Variants in CCDC88A observed in about 807,000 individuals in gnomAD.
The protein encoded by CCDC88A is girdin.
Under a neutral mutation model 234.3 loss-of-function variants are expected in CCDC88A, and 54 were observed. The observed-to-expected ratio is 0.23, with a 90% CI of 0.19 to 0.29. The LOEUF is 0.29. Ranked by LOEUF, CCDC88A falls within the 10% of genes least tolerant of loss-of-function variation. The pLI, the probability that CCDC88A is intolerant of heterozygous loss-of-function variation, is 1.00. For synonymous variants in CCDC88A, 753 were observed against 737.8 expected, an observed-to-expected ratio of 1.02 and a Z score of -0.33; for missense variants, 1,832 against 2,123.4, an observed-to-expected ratio of 0.86 and a Z score of 2.70.
At position 55,288,646 on chromosome 2, in the gene CCDC88A, T is replaced by C. The variant is rs1679226270; in HGVS notation, c.*2554A>G. 6.6e-6 allele frequency: 1 copy of C among 152,556 alleles called. No homozygotes were observed. Among genetic ancestry groups the C allele is most frequent in the African/African-American group, 2.4e-5 (1 of 41,436 alleles). 9.5% of individuals were successfully genotyped at this position (152,556 alleles called of 1,614,324 possible). A position where few individuals can be genotyped will look rare whatever the true frequency, so the allele number is the denominator to read the frequency against. On this transcript the variant is annotated 3_prime_UTR_variant, in exon 33 of 33. Transcript: ENST00000436346. ...CTTTGGTAACCACCAATTTAAAAATTTGGATGAAAGCATTTCCACATGGAC... is the reference window on the plus strand; with the variant it reads ...CTTTGGTAACCACCAATTTAAAAATCTGGATGAAAGCATTTCCACATGGAC...
chr2:55,365,070 T>C (rs1480732934), intron 5 of CCDC88A, among the ~76,000 whole-genome samples: 2 of 152,194 alleles, frequency 1.3e-5, no homozygotes, highest in Non-Finnish European at 2.9e-5. Context: ...TCTACTACTA[T>C]ACAATTTAAA....
chr2:55,387,176 C>CAAAAAAAAAA (rs869311337), intron 3 of CCDC88A, among the ~76,000 whole-genome samples: 7 of 69,772 alleles, frequency 1.0e-4, no homozygotes, highest in African/African-American at 2.8e-4. Flanking sequence ...GATTCCATCT[C>CAAAAAAAAAA]AAAAAAAAAA....
intron 3 of CCDC88A, among the ~76,000 whole-genome samples, chr2:55,383,538 G>A (rs1215817717): frequency 3.3e-5 from 5 of 151,390 alleles, no homozygotes; most frequent in Admixed American, 1.3e-4. Flanking sequence ...CAGGAGAATC[G>A]CTTGAACCCG....
At chr2:55,327,193 C>G (rs1684373116) in intron 17 of CCDC88A, among the ~76,000 whole-genome samples, 1 of 151,954 alleles carries the variant, frequency 6.6e-6, no homozygotes, top group South Asian at 2.1e-4. Context: ...CAAATAGCAG[C>G]AATAATGGTG....
At chr2:55,291,973 A>G (rs1679489959) in intron 31 of CCDC88A, 198 bp from the exon 32 acceptor site, 1 of 431,214 alleles carries the variant, frequency 2.3e-6, no homozygotes, top group South Asian at 4.5e-5. Flanking sequence ...ATTCCTAGGA[A>G]AGCTATAATT....
chr2:55,381,409 C>A (rs928383273), intron 3 of CCDC88A, among the ~76,000 whole-genome samples: 1 of 151,750 alleles, frequency 6.6e-6, no homozygotes, highest in Non-Finnish European at 1.5e-5. Flanking sequence ...CAAAATTAGC[C>A]GGGTGTAGTG....
intron 2 of CCDC88A, among the ~76,000 whole-genome samples, chr2:55,412,761 G>T (rs1041774355): frequency 6.6e-6 from 1 of 152,038 alleles, no homozygotes; most frequent in African/African-American, 2.4e-5. Flanking sequence ...AACATTTATT[G>T]GACACTTTCT....
Position 55,355,583 on chromosome 2 carries a change from C to T in CCDC88A, c.796G>A (p.Glu266Lys), listed in dbSNP as rs1163969624. ...AKAKIRRLRQ[E>K]LEEKTEQLLD... is the part of the protein sequence containing the mutation. ...CCTCAAAAATCAGCAACTTACAATT[C>T]CTGCCTAAGCCTTCTTATCTTGGCT... The change falls in exon 8 of 33, where the codon GAA (glutamate) becomes AAA (lysine). Residue 266 changes from glutamate (E) to lysine (K), a missense_variant. This residue lies in a region of CCDC88A where 1,282 missense variants were observed against 1,543.6 expected (regional missense o/e 0.83). Coordinates refer to ENST00000436346, the MANE Select transcript of CCDC88A (RefSeq NM_001365480.1). The T allele has an allele frequency of 6.2e-7, 1 of 1,613,882 alleles. No individual in the cohort carries two copies. Among genetic ancestry groups the T allele is most frequent in the African/African-American group, 1.3e-5 (1 of 75,036 alleles).
intron 31 of CCDC88A, chr2:55,292,409 C>T (rs1353744703): frequency 6.6e-6 from 1 of 152,132 alleles, no homozygotes; most frequent in African/African-American, 2.4e-5. Context: ...AGAGTTGTTT[C>T]ACTTTTACTT....
chr2:55,329,476 G>A (rs1684667545), intron 16 of CCDC88A: 1 of 152,108 alleles, frequency 6.6e-6, no homozygotes, highest in African/African-American at 2.4e-5. Flanking sequence ...GTATCGGCTG[G>A]AGTCAACAAA....
At chr2:55,349,360 T>C (rs568521247) in intron 9 of CCDC88A, 158 bp downstream of exon 9, 2 of 595,734 alleles carry the variant, frequency 3.4e-6, no homozygotes, top group South Asian at 4.7e-5. Flanking sequence ...CTGACATTTT[T>C]GAAGAGAGAG....
chr2:55,327,165 C>T (rs1206435532), intron 17 of CCDC88A, among the ~76,000 whole-genome samples: 1 of 151,900 alleles, frequency 6.6e-6, no homozygotes, highest in Non-Finnish European at 1.5e-5. Context: ...AATGTATGTT[C>T]GATGGCAATG....
At chr2:55,303,261 A>T (rs2104576382) in intron 25 of CCDC88A, 109 bp from the exon 26 acceptor site, 1 of 724,614 alleles carries the variant, frequency 1.4e-6, no homozygotes, top group Non-Finnish European at 2.5e-6. Flanking sequence ...TGAATGTTTG[A>T]GTTTTAGCTA....
At chr2:55,383,347 G>A (rs906475838) in intron 3 of CCDC88A, among the ~76,000 whole-genome samples, 5 of 151,926 alleles carry the variant, frequency 3.3e-5, no homozygotes, top group African/African-American at 7.3e-5. Context: ...GGCCCGGCAC[G>A]GTGGCTCATG....
intron 29 of CCDC88A, among the ~76,000 whole-genome samples, chr2:55,298,379 A>G (rs1365237889): frequency 6.6e-6 from 1 of 152,166 alleles, no homozygotes; most frequent in East Asian, 1.9e-4. Context: ...AGGCTAGTCA[A>G]ATGAAGTAGT....
intron 2 of CCDC88A, among the ~76,000 whole-genome samples, chr2:55,409,990 C>T (rs1437437715): frequency 6.6e-6 from 1 of 152,102 alleles, no homozygotes; most frequent in Non-Finnish European, 1.5e-5. Flanking sequence ...ATCCACCCGC[C>T]TCAGCCTCCC....
At position 55,419,317 on chromosome 2, in the gene CCDC88A, T is replaced by A. The variant is rs1230809900; in HGVS notation, c.-238A>T. On this transcript the variant is annotated 5_prime_UTR_variant, in exon 1 of 33. Coordinates refer to ENST00000436346, the MANE Select transcript of CCDC88A (RefSeq NM_001365480.1). Reference sequence around the variant, plus strand: ...CACGAGCAGCAGCCTGCGCTGGAAATGTCTGTACCGGGCGAGGAGGGGCAG... The same window carrying A: ...CACGAGCAGCAGCCTGCGCTGGAAAAGTCTGTACCGGGCGAGGAGGGGCAG... 3 of 498,302 alleles carry A rather than the reference T, an allele frequency of 6.0e-6. No homozygotes were observed. Among genetic ancestry groups the A allele is most frequent in the African/African-American group, 5.8e-5 (3 of 51,334 alleles). 30.9% of individuals were successfully genotyped at this position (498,302 alleles called of 1,614,324 possible).
chr2:55,329,442 A>G (rs1410673097), intron 16 of CCDC88A: 2 of 152,248 alleles, frequency 1.3e-5, no homozygotes, highest in Non-Finnish European at 2.9e-5. Context: ...CATTGAATAC[A>G]GAGAACAAAT....
chr2:55,353,139 C>T (rs1418745455), intron 8 of CCDC88A, among the ~76,000 whole-genome samples: 1 of 152,104 alleles, frequency 6.6e-6, no homozygotes, highest in Non-Finnish European at 1.5e-5. Flanking sequence ...TATTAGAAAA[C>T]CAAATTTCAT....
Sources: allele counts gnomAD v4.1 joint callset (sites outside exome capture counted in the v4.1 genomes callset), GRCh38; gene constraint gnomAD v4.1.1; regional missense constraint gnomAD v4.1.1; transcripts MANE v1.5; gene names NCBI Gene and HGNC (gene_info 2026-07-23, HGNC 2026-07-21).